The following BANP variants were observed in gnomAD, a reference collection of about 807,000 sequenced individuals.
BANP encodes the protein protein BANP.
Under a neutral mutation model 68.1 loss-of-function variants are expected in BANP, and 11 were observed. The observed-to-expected ratio is 0.16, with a 90% confidence interval of 0.10 to 0.27. The LOEUF is 0.27. Among genes scored for constraint, BANP ranks in the 10% least tolerant of loss-of-function variants. The pLI, the probability that BANP is intolerant of heterozygous loss-of-function variation, is 1.00. For missense variants in BANP, 504 were observed against 722.7 expected (o/e 0.70, Z 3.47); for synonymous variants, 329 against 303.2 (o/e 1.09, Z -0.88).
At chr16:88,006,027 G>A (rs1270906878) in intron 5 of BANP, 63 bp from the exon 6 acceptor site, 4 of 1,608,080 alleles carry the variant, frequency 2.5e-6, no homozygotes, top group Admixed American at 1.7e-5. Flanking sequence ...GGAAAGCGCT[G>A]ACCTTCGCGT....
intron 13 of BANP, among the ~76,000 whole-genome samples, chr16:88,075,069 G>A (rs2091292663): frequency 6.6e-6 from 1 of 152,160 alleles, no homozygotes; most frequent in African/African-American, 2.4e-5. Context: ...GCTGGGGCCG[G>A]GCACGGTAGC....
At chr16:87,997,169 G>C (rs1362817010) in intron 4 of BANP, among the ~76,000 whole-genome samples, 1 of 152,204 alleles carries the variant, frequency 6.6e-6, no homozygotes, top group Non-Finnish European at 1.5e-5. Flanking sequence ...GTGTTGCCCA[G>C]GCTGGTCTTG....
chr16:88,018,776 T>A lies in BANP; in HGVS notation c.895+109T>A. On this transcript the variant is annotated intron_variant, in intron 7 of 13. Transcript: ENST00000682872. The surrounding 1 kb of genome is among the most constrained non-coding windows in gnomAD (Gnocchi z 7.7). ...CAGTAGCACCGGCACGGGGCTGCGT[T>A]TCTCCAGGCGGTTTGAAATCTCAGC... 1 of 1,370,554 alleles carries A rather than the reference T, an allele frequency of 7.3e-7. No homozygotes were observed. Among genetic ancestry groups the A allele is most frequent in the Non-Finnish European group, 9.8e-7 (1 of 1,021,794 alleles). 84.9% of individuals were successfully genotyped at this position (1,370,554 alleles called of 1,614,324 possible).
chr16:88,023,656 C>G (rs1455627877), intron 7 of BANP, among the ~76,000 whole-genome samples: 1 of 152,220 alleles, frequency 6.6e-6, no homozygotes, highest in Admixed American at 6.5e-5. Flanking sequence ...CCTCCTGGCT[C>G]TCTCATCTCG....
chr16:88,027,757 G>A (rs1018468262), intron 8 of BANP, 107 bp downstream of exon 8: 23 of 1,345,124 alleles, frequency 1.7e-5, no homozygotes, highest in African/African-American at 1.5e-5. Context: ...ACCAGTGGCC[G>A]GGAGCCGAGG....
intron 7 of BANP, among the ~76,000 whole-genome samples, chr16:88,026,021 C>T (rs1444331047): frequency 6.6e-6 from 1 of 152,218 alleles, no homozygotes; most frequent in East Asian, 1.9e-4. Context: ...GCCGGGCGTG[C>T]AGTGGGGCGC....
chr16:87,950,026 T>C (rs371969388), upstream of BANP, among the ~76,000 whole-genome samples: 218 of 151,902 alleles, frequency 1.4e-3, no homozygotes, highest in African/African-American at 3.7e-3. Flanking sequence ...TACAGGCGCC[T>C]GCCACCGCGC....
chr16:88,071,875 G>A lies in BANP; in HGVS notation c.1378-194G>A. On this transcript the variant is annotated intron_variant, in intron 12 of 13. Coordinates refer to ENST00000682872, the MANE Select transcript of BANP (RefSeq NM_001386991.1). This position sits in a 1 kb window ranked among gnomAD's most constrained non-coding sequence, Gnocchi z 6.5. ...AGAGACTCGATGGCACTCTCTCACT[G>A]GATCTGATGCGACTTGAGAGCGATG... is the stretch of plus-strand genomic sequence containing the variant. 1 of 753,528 alleles carries A rather than the reference G, an allele frequency of 1.3e-6. No homozygotes were observed. Among genetic ancestry groups the A allele is most frequent in the South Asian group, 1.5e-5 (1 of 67,674 alleles). 46.7% of individuals were successfully genotyped at this position (753,528 alleles called of 1,614,324 possible).
At chr16:88,021,018 G>A (rs1318654539) in intron 7 of BANP, among the ~76,000 whole-genome samples, 1 of 152,198 alleles carries the variant, frequency 6.6e-6, no homozygotes, top group African/African-American at 2.4e-5. Context: ...TTCCTTGCGT[G>A]TTGTGGCTAT....
At chr16:88,032,380 T>G (rs1033483448) in intron 8 of BANP, among the ~76,000 whole-genome samples, 2 of 151,990 alleles carry the variant, frequency 1.3e-5, no homozygotes, top group African/African-American at 4.8e-5. Flanking sequence ...TTTTGTATTT[T>G]TAGTAGAGAT....
At chr16:87,962,397 A>AT (rs1168042656) in intron 1 of BANP, among the ~76,000 whole-genome samples, 6 of 152,160 alleles carry the variant, frequency 3.9e-5, no homozygotes, top group African/African-American at 1.2e-4. Flanking sequence ...ATATTCAAAC[A>AT]TTTTTTGTTC....
At chr16:88,027,462 T>C (rs1370444711) in intron 7 of BANP, 21 bp from the exon 8 acceptor site, 1 of 1,612,348 alleles carries the variant, frequency 6.2e-7, no homozygotes, top group Non-Finnish European at 8.5e-7. Context: ...TCACCGCTTC[T>C]CCTTGGATGT....
At chr16:87,978,554 A>G (rs559948268) in intron 2 of BANP, 40 of 463,632 alleles carry the variant, frequency 8.6e-5, no homozygotes, top group South Asian at 6.3e-4. Context: ...TCATTAAGTG[A>G]GAATTCATCT....
intron 4 of BANP, among the ~76,000 whole-genome samples, chr16:87,996,880 A>T (rs1176286531): frequency 6.6e-6 from 1 of 152,222 alleles, no homozygotes; most frequent in Admixed American, 6.5e-5. Flanking sequence ...ATTTCTCAAG[A>T]TTTTTAATTT....
intron 2 of BANP, among the ~76,000 whole-genome samples, chr16:87,980,187 C>T (rs1220828985): frequency 2.6e-5 from 4 of 152,176 alleles, no homozygotes; most frequent in African/African-American, 4.8e-5. Flanking sequence ...AATGTACAAT[C>T]TTTAACAAGA....
intron 5 of BANP, 114 bp from the exon 6 acceptor site, chr16:88,005,976 G>A (rs977029417): frequency 1.6e-6 from 2 of 1,273,622 alleles, no homozygotes; most frequent in Non-Finnish European, 1.1e-6. Context: ...TGGGAAGGCT[G>A]TGTGATCCAC....
intron 6 of BANP, chr16:88,017,130 G>C (rs2074760818): frequency 6.6e-6 from 1 of 152,276 alleles, no homozygotes; most frequent in African/African-American, 2.4e-5. Context: ...TGCCCTTGTA[G>C]GAGCCGGAAA....
At chr16:87,981,617 C>T (rs997554867) in intron 3 of BANP, among the ~76,000 whole-genome samples, 15 of 152,212 alleles carry the variant, frequency 9.9e-5, no homozygotes, top group African/African-American at 3.6e-4. Flanking sequence ...GCTATATCAC[C>T]AGGCAGCCCG....
At chr16:88,005,160 C>T (rs528930007) in intron 5 of BANP, among the ~76,000 whole-genome samples, 1 of 152,136 alleles carries the variant, frequency 6.6e-6, no homozygotes, top group Non-Finnish European at 1.5e-5. Context: ...GGGTCTGATA[C>T]GTGGGGTGAA....
Sources: gnomAD v4.1 joint callset for allele counts (sites outside exome capture counted in the v4.1 genomes callset) on GRCh38, gnomAD v4.1.1 for gene constraint, Gnocchi (gnomAD v3.1) non-coding constraint, MANE v1.5 for transcripts, NCBI Gene and HGNC (gene_info 2026-07-23, HGNC 2026-07-21) for gene names.